PKNOX2: variants seen among roughly 807,000 people sequenced by gnomAD.
The protein encoded by PKNOX2 is PBX/knotted 1 homeobox 2.
In PKNOX2, 14 loss-of-function variants were observed where a neutral mutation model predicts 53.1. The ratio of observed to expected loss-of-function variants is 0.26; its 90% confidence interval spans 0.17 to 0.41. The LOEUF (loss-of-function observed/expected upper bound fraction) is 0.41, where lower values mean the gene tolerates loss of function less well. Among genes scored for constraint, PKNOX2 ranks in the 10% least tolerant of loss-of-function variants. The pLI, the probability that PKNOX2 is intolerant of heterozygous loss-of-function variation, is 1.00. For missense variants in PKNOX2, 496 were observed against 602.8 expected, an observed-to-expected ratio of 0.82 and a Z score of 1.85; for synonymous variants, 257 against 242.8, an observed-to-expected ratio of 1.06 and a Z score of -0.54.
intron 10 of PKNOX2, among the ~76,000 whole-genome samples, chr11:125,414,430 G>T (rs769562386): frequency 6.6e-6 from 1 of 152,194 alleles, no homozygotes; most frequent in Non-Finnish European, 1.5e-5. Context: ...CTCTAGAGAG[G>T]CAAGGGGAGT....
chr11:125,190,308 GTCC>G (rs1466511602), intron 1 of PKNOX2, among the ~76,000 whole-genome samples: 2 of 152,302 alleles, frequency 1.3e-5, no homozygotes, highest in East Asian at 3.9e-4. Flanking sequence ...GGCTGAGGCT[GTCC>G]TCCTATCCGT....
intron 7 of PKNOX2, among the ~76,000 whole-genome samples, chr11:125,407,217 C>A (rs1287051589): frequency 6.6e-6 from 1 of 152,188 alleles, no homozygotes; most frequent in Non-Finnish European, 1.5e-5. Context: ...TGATCCAATG[C>A]ATAAATTGCC....
At chr11:125,194,160 G>A (rs1957041621) in intron 1 of PKNOX2, among the ~76,000 whole-genome samples, 1 of 152,210 alleles carries the variant, frequency 6.6e-6, no homozygotes, top group African/African-American at 2.4e-5. Flanking sequence ...GCCCTGTGTG[G>A]AGAGCGGTTG....
chr11:125,409,750 C>G (rs1488777484), intron 7 of PKNOX2, among the ~76,000 whole-genome samples: 1 of 151,960 alleles, frequency 6.6e-6, no homozygotes, highest in African/African-American at 2.4e-5. Flanking sequence ...ACCCGGCTGA[C>G]AGTGGAATCA....
rs944298183 is a variant in PKNOX2 at position 125,422,241 on chromosome 11, C to T, written c.937-6771C>T. On this transcript the variant is annotated intron_variant, in intron 10 of 12. Transcript: ENST00000298282. This position sits in a 1 kb window ranked among gnomAD's most constrained non-coding sequence, Gnocchi z 4.1. ...ACACTGTGGCCCCTTACCCCAGCCA[C>T]GACTGTCTTCATTCTAGACGCTGTT... Among the ~76,000 whole-genome samples, 10 of 152,266 alleles carry T rather than the reference C, an allele frequency of 6.6e-5. No individual in the cohort carries two copies. Among genetic ancestry groups the T allele is most frequent in the African/African-American group, 1.2e-4 (5 of 41,546 alleles).
At chr11:125,418,567 C>T (rs1591566091) in intron 10 of PKNOX2, among the ~76,000 whole-genome samples, 2 of 152,022 alleles carry the variant, frequency 1.3e-5, no homozygotes, top group East Asian at 3.9e-4. Flanking sequence ...GCACAGAGCT[C>T]CTGGCCAAGG....
chr11:125,235,755 C>T (rs956052478), intron 2 of PKNOX2, among the ~76,000 whole-genome samples: 2 of 152,166 alleles, frequency 1.3e-5, no homozygotes, highest in Admixed American at 6.5e-5. Flanking sequence ...TCTGAAATTC[C>T]GCAGCATTCA....
At chr11:125,383,302 C>G (rs543391168) in intron 5 of PKNOX2, among the ~76,000 whole-genome samples, 197 of 152,138 alleles carry the variant, frequency 1.3e-3, no homozygotes, top group African/African-American at 4.5e-3. Context: ...AGACCATTGC[C>G]TGTTTGCCTT....
At chr11:125,337,210 T>G (rs1950473925) in intron 3 of PKNOX2, among the ~76,000 whole-genome samples, 1 of 152,182 alleles carries the variant, frequency 6.6e-6, no homozygotes, top group African/African-American at 2.4e-5. Flanking sequence ...GCAGTGTGAA[T>G]GGCCTGTGGA....
intron 1 of PKNOX2, among the ~76,000 whole-genome samples, chr11:125,212,585 C>T (rs1939994779): frequency 2.0e-5 from 3 of 151,212 alleles, no homozygotes; most frequent in Admixed American, 1.3e-4. Context: ...CTTAAAGAGC[C>T]TGTCAGAGCT....
intron 3 of PKNOX2, 112 bp from the exon 4 acceptor site, chr11:125,351,172 C>A (rs915972855): frequency 2.8e-6 from 2 of 710,444 alleles, no homozygotes; most frequent in Non-Finnish European, 5.2e-6. Flanking sequence ...GCAACCCTTG[C>A]CGCATCCAGC....
At chr11:125,320,384 G>A (rs1397954420) in intron 2 of PKNOX2, among the ~76,000 whole-genome samples, 2 of 152,164 alleles carry the variant, frequency 1.3e-5, no homozygotes, top group East Asian at 1.9e-4. Flanking sequence ...CCTAGGATCG[G>A]TGAGACCAGA....
At chr11:125,195,675 T>A (rs1957133132) in intron 1 of PKNOX2, among the ~76,000 whole-genome samples, 3 of 152,076 alleles carry the variant, frequency 2.0e-5, no homozygotes, top group Admixed American at 1.3e-4. Flanking sequence ...GTGAAGTTCT[T>A]GTGGGGCAAG....
chr11:125,172,980 T>C (rs961397451), intron 1 of PKNOX2, among the ~76,000 whole-genome samples: 1 of 152,214 alleles, frequency 6.6e-6, no homozygotes, highest in Non-Finnish European at 1.5e-5. Flanking sequence ...TTTACTTTTC[T>C]TGTTGAGACA....
intron 1 of PKNOX2, among the ~76,000 whole-genome samples, chr11:125,200,656 C>T: frequency 6.6e-6 from 1 of 152,202 alleles, no homozygotes; most frequent in East Asian, 1.9e-4. Context: ...CACCCATGCC[C>T]ATGTTTCTCC....
chr11:125,289,852 C>T (rs749729569), intron 2 of PKNOX2, among the ~76,000 whole-genome samples: 46 of 152,172 alleles, frequency 3.0e-4, no homozygotes, highest in Non-Finnish European at 5.0e-4. Flanking sequence ...GCACCTTCAC[C>T]GGAGGCCCTT....
At chr11:125,371,064 G>A (rs1952506401) in intron 5 of PKNOX2, among the ~76,000 whole-genome samples, 2 of 152,210 alleles carry the variant, frequency 1.3e-5, no homozygotes, top group South Asian at 2.1e-4. Context: ...ATGTGTTAAT[G>A]AAATGTACTG....
chr11:125,367,465 TTCAAAGTCATCAAA>T (rs1952249238), intron 4 of PKNOX2, among the ~76,000 whole-genome samples: 1 of 152,206 alleles, frequency 6.6e-6, no homozygotes, highest in South Asian at 2.1e-4. Flanking sequence ...TTTCCTGCTT[TTCAAAGTCATCAAA>T]TCAACGCTAT....
At chr11:125,366,756 G>T (rs1415020799) in intron 4 of PKNOX2, among the ~76,000 whole-genome samples, 2 of 152,230 alleles carry the variant, frequency 1.3e-5, no homozygotes, top group African/African-American at 4.8e-5. Context: ...CTTCCAGAAA[G>T]CAGGGACCTA....
Sources: allele counts gnomAD v4.1 joint callset (sites outside exome capture counted in the v4.1 genomes callset), GRCh38; gene constraint gnomAD v4.1.1; non-coding constraint Gnocchi (gnomAD v3.1); transcripts MANE v1.5; gene names NCBI Gene and HGNC (gene_info 2026-07-23, HGNC 2026-07-21).